Variants in PPP2R2A observed in about 807,000 individuals in gnomAD.
PPP2R2A encodes the protein serine/threonine-protein phosphatase 2A 55 kDa regulatory subunit B alpha isoform.
PPP2R2A carries 9 observed loss-of-function variants against 53.2 expected under a neutral mutation model. The observed-to-expected ratio is 0.17, with a 90% CI of 0.10 to 0.30. PPP2R2A has a LOEUF of 0.30. Ranked by LOEUF, PPP2R2A falls within the 10% of genes least tolerant of loss-of-function variation. The probability of loss-of-function intolerance (pLI) is 1.00; values close to 1 mark genes in which losing one functional copy is unlikely to be tolerated. For synonymous variants in PPP2R2A, 169 were observed against 174.2 expected, an observed-to-expected ratio of 0.97 and a Z score of 0.23; for missense variants, 235 against 534.6, an observed-to-expected ratio of 0.44 and a Z score of 5.53.
At chr8:26,332,354 CTT>C (rs915001042) in intron 2 of PPP2R2A, among the ~76,000 whole-genome samples, 3 of 118,692 alleles carry the variant, frequency 2.5e-5, no homozygotes, top group African/African-American at 1.0e-4. Context: ...GAGCAAGACT[CTT>C]TTGTCTCAAA....
At chr8:26,358,452 GA>G (rs1804907507) in intron 4 of PPP2R2A, among the ~76,000 whole-genome samples, 1 of 152,066 alleles carries the variant, frequency 6.6e-6, no homozygotes, top group Non-Finnish European at 1.5e-5. Flanking sequence ...TGAACTACAA[GA>G]AAATTATAAG....
chr8:26,300,144 A>G (rs1801715536), intron 2 of PPP2R2A, among the ~76,000 whole-genome samples: 1 of 152,112 alleles, frequency 6.6e-6, no homozygotes, highest in South Asian at 2.1e-4. Context: ...ATGAGAGAGA[A>G]TGGCCATTGA....
chr8:26,296,319 G>A (rs1801539098), intron 2 of PPP2R2A, among the ~76,000 whole-genome samples: 1 of 152,148 alleles, frequency 6.6e-6, no homozygotes, highest in African/African-American at 2.4e-5. Context: ...GCCCAATATG[G>A]CCTCTGCTCT....
rs530651612 is a variant in PPP2R2A at position 26,372,015 on chromosome 8, A to T, written c.*1602A>T. ...ATTTCAGAGGACTCTGAGTGCTTCT[A>T]TGTCCACTACCTATTGTTCTATTCT... On this transcript the variant is annotated 3_prime_UTR_variant, in exon 10 of 10. Transcript: ENST00000380737. 1 of 152,186 alleles carries T rather than the reference A, an allele frequency of 6.6e-6. No homozygotes were observed. The highest frequency in any genetic ancestry group is 1.9e-4 in the East Asian group (1 of 5,186). The allele number at this position is 152,186 out of a possible 1,614,324, so 9.4% of individuals were successfully genotyped here. A position where few individuals can be genotyped will look rare whatever the true frequency, so the allele number is the denominator to read the frequency against.
chr8:26,361,038 C>T lies in PPP2R2A; in HGVS notation c.524C>T (p.Ala175Val), dbSNP rs1481501888. The T allele has an allele frequency of 6.2e-7, 1 of 1,608,718 alleles. No homozygotes were observed. Among genetic ancestry groups the T allele is most frequent in the South Asian group, 1.1e-5 (1 of 90,024 alleles). Residue 175 changes from alanine to valine, a missense_variant, in exon 6 of 10, where the codon GCT becomes GTT. By Grantham distance (64) the Ala-to-Val change is moderately conservative. This residue lies in a region of PPP2R2A where 181 missense variants were observed against 409.9 expected (regional missense o/e 0.44). Coordinates refer to ENST00000380737, the MANE Select transcript of PPP2R2A (RefSeq NM_002717.4). Reference sequence around the variant, plus strand: ...AGTCCACGAAGAATATTTGCCAATGCTCATACATATCACATCAACTCAATT... The same window carrying T: ...AGTCCACGAAGAATATTTGCCAATGTTCATACATATCACATCAACTCAATT... ...EASPRRIFAN[A>V]HTYHINSISI...
In PPP2R2A at chr8:26,354,017, A is replaced by G. The variant is rs969088175; in HGVS notation, c.181-451A>G. Among the ~76,000 whole-genome samples, 2 of 152,218 alleles carry G rather than the reference A, an allele frequency of 1.3e-5. No homozygotes were observed. The highest frequency in any genetic ancestry group is 4.8e-5 in the African/African-American group (2 of 41,450). ...GCAGCAGAAAGGAAAAGGACAATAC[A>G]TCATATTAAATAACAGATCGGGGAG... On this transcript the variant is annotated intron_variant, in intron 3 of 9. Coordinates refer to ENST00000380737, the MANE Select transcript of PPP2R2A (RefSeq NM_002717.4). The surrounding 1 kb of genome is among the most constrained non-coding windows in gnomAD (Gnocchi z 4.6).
chr8:26,323,533 C>T (rs976190510), intron 2 of PPP2R2A, among the ~76,000 whole-genome samples: 4 of 152,174 alleles, frequency 2.6e-5, no homozygotes, highest in Non-Finnish European at 4.4e-5. Context: ...ATAGAGGTTA[C>T]CAAGACCTCC....
chr8:26,326,404 A>G (rs192536236), intron 2 of PPP2R2A, among the ~76,000 whole-genome samples: 139 of 152,316 alleles, frequency 9.1e-4, no homozygotes, highest in Middle Eastern at 6.8e-3. Context: ...AATGTTTTGT[A>G]ACATACCTTA....
intron 2 of PPP2R2A, among the ~76,000 whole-genome samples, chr8:26,311,129 T>C (rs920386080): frequency 6.6e-6 from 1 of 152,212 alleles, no homozygotes; most frequent in Non-Finnish European, 1.5e-5. Flanking sequence ...AGTTTTCTTA[T>C]CTGTAAATGG....
chr8:26,308,830 CT>C (rs928581289), intron 2 of PPP2R2A, among the ~76,000 whole-genome samples: 5 of 152,090 alleles, frequency 3.3e-5, no homozygotes, highest in African/African-American at 9.7e-5. Flanking sequence ...AGCGGAATCA[CT>C]GTCTATGTCA....
rs1287908445 is a variant in PPP2R2A at position 26,362,826 on chromosome 8, C to A, written c.780C>A (p.Ala260=). 2 of 1,613,618 alleles carry A rather than the reference C, an allele frequency of 1.2e-6. No homozygotes were observed. The highest frequency in any genetic ancestry group is 1.7e-6 in the Non-Finnish European group (2 of 1,179,748). Residue 260 remains alanine (A), a synonymous_variant, in exon 7 of 10, where the codon GCC becomes GCA. Transcript: ENST00000380737. The surrounding 1 kb of genome is among the most constrained non-coding windows in gnomAD (Gnocchi z 4.4). ...GGCTATGTGACATGAGGGCATCTGC[C>A]CTCTGTGATAGACATTCTAAATGTA... ...TIRLCDMRAS[A]LCDRHSKLFE... is the part of the protein sequence containing the mutation.
intron 2 of PPP2R2A, among the ~76,000 whole-genome samples, chr8:26,325,239 G>A (rs925406062): frequency 1.1e-4 from 17 of 151,878 alleles, no homozygotes; most frequent in South Asian, 1.0e-3. Flanking sequence ...GGACCCATGG[G>A]GGGGTAATTG....
intron 4 of PPP2R2A, chr8:26,359,021 AC>A (rs1563322245): frequency 4.4e-6 from 2 of 449,492 alleles, no homozygotes; most frequent in Non-Finnish European, 9.0e-6. Flanking sequence ...ACCCAAGTTA[AC>A]GCCACCAGCT....
At chr8:26,358,140 A>T (rs1804887836) in intron 4 of PPP2R2A, among the ~76,000 whole-genome samples, 2 of 152,164 alleles carry the variant, frequency 1.3e-5, no homozygotes. Context: ...TAAGGAAAAA[A>T]CATTTTTTAA....
At chr8:26,318,145 T>C (rs1802652955) in intron 2 of PPP2R2A, among the ~76,000 whole-genome samples, 1 of 152,160 alleles carries the variant, frequency 6.6e-6, no homozygotes, top group African/African-American at 2.4e-5. Context: ...TGGCCACTCT[T>C]AGGGACGATT....
At chr8:26,355,953 T>C (rs1017288525) in intron 4 of PPP2R2A, among the ~76,000 whole-genome samples, 8 of 152,158 alleles carry the variant, frequency 5.3e-5, no homozygotes, top group Admixed American at 2.0e-4. Flanking sequence ...TTTGTTCTTA[T>C]GAAAAACTTT....
Position 26,321,374 on chromosome 8 carries a change from A to T in PPP2R2A, c.83-17516A>T, listed in dbSNP as rs1219261101. Among the ~76,000 whole-genome samples, 1 of 152,200 alleles carries T rather than the reference A, an allele frequency of 6.6e-6. No homozygotes were observed. The highest frequency in any genetic ancestry group is 1.5e-5 in the Non-Finnish European group (1 of 68,028). Reference sequence around the variant, plus strand: ...CTGCCCCCAGGCTGCCTTCTTTGTCAGGCAGCCGCTTAAGGTGGCCCCAGT... The same window carrying T: ...CTGCCCCCAGGCTGCCTTCTTTGTCTGGCAGCCGCTTAAGGTGGCCCCAGT... On this transcript the variant is annotated intron_variant, in intron 2 of 9. Transcript: ENST00000380737. The surrounding 1 kb of genome is among the most constrained non-coding windows in gnomAD (Gnocchi z 4.1).
In PPP2R2A at chr8:26,363,713, G is replaced by GT; in HGVS notation, c.803-3dup. The GT allele has an allele frequency of 6.4e-7, 1 of 1,567,098 alleles. No homozygotes were observed. The highest frequency in any genetic ancestry group is 8.7e-7 in the Non-Finnish European group (1 of 1,152,824). On this transcript the variant is annotated splice_polypyrimidine_tract_variant and splice_region_variant and intron_variant, in intron 7 of 9. Transcript: ENST00000380737. ...TGCCCTTTTTGTGTTGTTTTGTTTT[G>GT]TTTTTAGTGTTTGAAGAACCTGAAG...
intron 2 of PPP2R2A, among the ~76,000 whole-genome samples, chr8:26,330,482 A>T (rs895363999): frequency 6.6e-6 from 1 of 151,454 alleles, no homozygotes; most frequent in African/African-American, 2.4e-5. Context: ...AGCACGCTAC[A>T]GCACCTGGCT....
Sources: allele counts gnomAD v4.1 joint callset (sites outside exome capture counted in the v4.1 genomes callset), GRCh38; gene constraint gnomAD v4.1.1; regional missense constraint gnomAD v4.1.1; non-coding constraint Gnocchi (gnomAD v3.1); transcripts MANE v1.5; gene names NCBI Gene and HGNC (gene_info 2026-07-23, HGNC 2026-07-21).